USP38: variants seen among roughly 807,000 people sequenced by gnomAD.
The protein encoded by USP38 is ubiquitin specific peptidase 38, also known as ubiquitin carboxyl-terminal hydrolase 38.
USP38 carries 49 observed loss-of-function variants against 94.3 expected under a neutral mutation model. That is an observed-to-expected ratio of 0.52 (90% CI 0.41 to 0.66). The LOEUF (loss-of-function observed/expected upper bound fraction) is 0.66. Ranked by LOEUF, USP38 falls within the 30% of genes least tolerant of loss-of-function variation. The pLI is 0.00. For synonymous variants in USP38, 468 were observed against 463.6 expected (o/e 1.01, Z -0.12); for missense variants, 1,128 against 1,229.4 (o/e 0.92, Z 1.23).
Position 143,223,705 on chromosome 4 carries a change from T to C in USP38, c.*3249T>C, listed in dbSNP as rs1732378812. ...TTCCAGGTCTTTAATTCTCAGTCCA[T>C]CTTTTCCTATGATTGTGTACTTCAC... On this transcript the variant is annotated 3_prime_UTR_variant, in exon 10 of 10. Coordinates refer to ENST00000307017, the MANE Select transcript of USP38 (RefSeq NM_032557.6). The C allele has an allele frequency of 6.6e-6, 1 of 152,118 alleles. No individual in the cohort carries two copies. Among genetic ancestry groups the C allele is most frequent in the Admixed American group, 6.6e-5 (1 of 15,250 alleles). 9.4% of individuals were successfully genotyped at this position (152,118 alleles called of 1,614,324 possible).
intron 2 of USP38, among the ~76,000 whole-genome samples, chr4:143,189,837 C>T (rs1731343244): frequency 6.6e-6 from 1 of 151,910 alleles, no homozygotes; most frequent in Non-Finnish European, 1.5e-5. Context: ...TTTTTATTCT[C>T]ATCTCCTTGA....
At chr4:143,215,608 ATTTG>A (rs1327284013) in intron 9 of USP38, 2 of 152,034 alleles carry the variant, frequency 1.3e-5, no homozygotes, top group African/African-American at 4.8e-5. Flanking sequence ...AAACTTGCTA[ATTTG>A]TTCTCAACAT....
intron 9 of USP38, among the ~76,000 whole-genome samples, chr4:143,219,555 T>C (rs1164009016): frequency 5.3e-5 from 8 of 152,160 alleles, no homozygotes; most frequent in Admixed American, 2.6e-4. Flanking sequence ...CAGTAACTTT[T>C]AGACCTTATT....
At chr4:143,188,041 A>T in intron 2 of USP38, 80 bp downstream of exon 2, 1 of 1,418,818 alleles carries the variant, frequency 7.0e-7, no homozygotes, top group South Asian at 1.6e-5. Flanking sequence ...GTAATGAAAA[A>T]CTTACGAATG....
rs1255537891 is a variant in USP38 at position 143,223,275 on chromosome 4, AG to A, written c.*2822del. The stretch of plus-strand genomic sequence containing the variant: ...CTTCCAGCTAAATAATCAGAGAAGC[AG>A]GGCAGTATATCCCTGGAGATCCCTG... On this transcript the variant is annotated 3_prime_UTR_variant, in exon 10 of 10. Coordinates refer to ENST00000307017, the MANE Select transcript of USP38 (RefSeq NM_032557.6). 6.6e-6 allele frequency: 1 copy of A among 152,104 alleles called. No individual in the cohort carries two copies. The highest frequency in any genetic ancestry group is 1.5e-5 in the Non-Finnish European group (1 of 67,984). The allele number at this position is 152,104 out of a possible 1,614,324, so 9.4% of individuals were successfully genotyped here.
rs188672666 is a variant in USP38 at position 143,222,922 on chromosome 4, A to G, written c.*2466A>G. The G allele has an allele frequency of 1.5e-3, 232 of 152,232 alleles. 1 individual carries two copies. The highest frequency in any genetic ancestry group is 5.3e-3 in the African/African-American group (222 of 41,572). The allele number at this position is 152,232 out of a possible 1,614,324, so 9.4% of individuals were successfully genotyped here. ...TGAGGTTTGACTCTGAAGACTGAGT[A>G]GAGTACTATTGTTGTTTTTCTTTCC... On this transcript the variant is annotated 3_prime_UTR_variant, in exon 10 of 10. Transcript: ENST00000307017.
chr4:143,204,837 T>C (rs1468500051), intron 5 of USP38, among the ~76,000 whole-genome samples: 2 of 151,224 alleles, frequency 1.3e-5, no homozygotes, highest in East Asian at 1.9e-4. Context: ...CTATTGATGG[T>C]TTTTTTGAGA....
chr4:143,212,209 C>T, intron 7 of USP38, 109 bp from the exon 8 acceptor site: 1 of 789,106 alleles, frequency 1.3e-6, no homozygotes, highest in Non-Finnish European at 1.9e-6. Flanking sequence ...TTGGCTGATG[C>T]AATGTTAACT....
chr4:143,221,281 G>A lies in USP38; in HGVS notation c.*825G>A, dbSNP rs567072724. The A allele has an allele frequency of 1.3e-5, 2 of 152,566 alleles. No individual in the cohort carries two copies. The highest frequency in any genetic ancestry group is 4.1e-4 in the South Asian group (2 of 4,822). The allele number at this position is 152,566 out of a possible 1,614,324, so 9.5% of individuals were successfully genotyped here. On this transcript the variant is annotated 3_prime_UTR_variant, in exon 10 of 10. Coordinates refer to ENST00000307017, the MANE Select transcript of USP38 (RefSeq NM_032557.6). ...GCTGCAAAATTTTAATGAAATGTTAGGAAGTAATTTTCGTGCTAACATTAA... is the reference window on the plus strand; with the variant it reads ...GCTGCAAAATTTTAATGAAATGTTAAGAAGTAATTTTCGTGCTAACATTAA...
chr4:143,192,550 C>CTTTTTTTTTT (rs35416730), intron 2 of USP38, among the ~76,000 whole-genome samples: 18 of 103,384 alleles, frequency 1.7e-4, no homozygotes, highest in East Asian at 3.1e-4. Context: ...TCCCATATTA[C>CTTTTTTTTTT]TTTTTTTTTT....
chr4:143,210,202 ATG>A (rs1731984454), intron 7 of USP38, among the ~76,000 whole-genome samples: 1 of 152,210 alleles, frequency 6.6e-6, no homozygotes, highest in Non-Finnish European at 1.5e-5. Context: ...TCATTAATTT[ATG>A]TTAATGGCAC....
At position 143,187,926 on chromosome 4, in the gene USP38, T is replaced by C; in HGVS notation, c.783T>C (p.Asn261=). ...VLIRSLTTDP[N]VKDASMTQAL... ...TCAGGAGCCTTACTACGGATCCAAA[T>C]GTAAAAGATGCAAGTATGACCCAAG... Residue 261 remains asparagine (N), a synonymous_variant, in exon 2 of 10, where the codon AAT becomes AAC. Coordinates refer to ENST00000307017, the MANE Select transcript of USP38 (RefSeq NM_032557.6). 2 of 1,613,762 alleles carry C rather than the reference T, an allele frequency of 1.2e-6. No homozygotes were observed. Among genetic ancestry groups the C allele is most frequent in the Non-Finnish European group, 1.7e-6 (2 of 1,179,756 alleles).
At position 143,213,612 on chromosome 4, in the gene USP38, C is replaced by A. The variant is rs1581167963; in HGVS notation, c.1636C>A (p.Gln546Lys). The stretch of plus-strand genomic sequence containing the variant: ...TGAAGAAGAAAAGATCTTGAAAGTT[C>A]AGGCCTCACACAAGCCTTCTGAAAT... The part of the protein sequence containing the change: ...LHEEEKILKV[Q>K]ASHKPSEILE... The change falls in exon 9 of 10, where the codon CAG becomes AAG. Residue 546 changes from glutamine to lysine, a missense_variant. Coordinates refer to ENST00000307017, the MANE Select transcript of USP38 (RefSeq NM_032557.6). 1 of 1,610,898 alleles carries A rather than the reference C, an allele frequency of 6.2e-7. No homozygotes were observed. The highest frequency in any genetic ancestry group is 1.1e-5 in the South Asian group (1 of 90,446).
Position 143,187,894 on chromosome 4 carries a change from G to A in USP38, c.751G>A (p.Val251Ile), listed in dbSNP as rs375538102. ...GCATATTCCTCTTCAGATGATTACA[G>A]TTCTCATCAGGAGCCTTACTACGGA... The part of the protein sequence containing the change: ...VQHIPLQMIT[V>I]LIRSLTTDPN... Residue 251 changes from valine (V) to isoleucine (I), a missense_variant, in exon 2 of 10, where the codon GTT (valine) becomes ATT (isoleucine). Physicochemically the swap from Val to Ile is conservative, Grantham distance 29. Coordinates refer to ENST00000307017, the MANE Select transcript of USP38 (RefSeq NM_032557.6). The A allele has an allele frequency of 1.5e-5, 24 of 1,613,686 alleles. No individual in the cohort carries two copies. The highest frequency in any genetic ancestry group is 1.6e-4 in the Middle Eastern group (1 of 6,080).
At chr4:143,203,652 A>G in intron 5 of USP38, 86 bp downstream of exon 5, 3 of 1,382,592 alleles carry the variant, frequency 2.2e-6, no homozygotes, top group African/African-American at 1.5e-5. Context: ...TCAATTTACT[A>G]TTTTATGGTA....
chr4:143,218,934 C>A (rs1195858299), intron 9 of USP38, among the ~76,000 whole-genome samples: 1 of 152,012 alleles, frequency 6.6e-6, no homozygotes, highest in East Asian at 1.9e-4. Flanking sequence ...TCTGATGTTA[C>A]TTATGGCACT....
chr4:143,191,386 T>C (rs965951456), intron 2 of USP38, among the ~76,000 whole-genome samples: 1 of 152,212 alleles, frequency 6.6e-6, no homozygotes, highest in African/African-American at 2.4e-5. Flanking sequence ...ACAAGGAAAT[T>C]GGAATCCAGT....
rs1470307085 is a variant in USP38, at chr4:143,222,422, A to G, written c.*1966A>G. 6.6e-6 allele frequency: 1 copy of G among 151,982 alleles called. No homozygotes were observed. The highest frequency in any genetic ancestry group is 1.5e-5 in the Non-Finnish European group (1 of 67,912). The allele number at this position is 151,982 out of a possible 1,614,324, so 9.4% of individuals were successfully genotyped here. On this transcript the variant is annotated 3_prime_UTR_variant, in exon 10 of 10. Coordinates refer to ENST00000307017, the MANE Select transcript of USP38 (RefSeq NM_032557.6). ...ATATAACCTGTGCACATCCTCCCATATACTTTAATCTCCAGATGATTAGAT... is the reference window on the plus strand; with the variant it reads ...ATATAACCTGTGCACATCCTCCCATGTACTTTAATCTCCAGATGATTAGAT...
chr4:143,201,646 G>T (rs55747899), intron 4 of USP38, among the ~76,000 whole-genome samples: 3,475 of 152,182 alleles, frequency 0.023, 122 homozygotes, highest in African/African-American at 0.08. Context: ...AGAATATGTG[G>T]TGTTATGGGT....
Sources: allele counts gnomAD v4.1 joint callset (sites outside exome capture counted in the v4.1 genomes callset), GRCh38; gene constraint gnomAD v4.1.1; transcripts MANE v1.5; gene names NCBI Gene and HGNC (gene_info 2026-07-23, HGNC 2026-07-21).